Variants in DNAJC10 observed in about 807,000 individuals in gnomAD.
DNAJC10 encodes endoplasmic reticulum disulfide reductase DNAJC10.
A neutral mutation model predicts 115.0 loss-of-function variants in DNAJC10; 101 were observed. The ratio of observed to expected loss-of-function variants is 0.88; its 90% CI spans 0.75 to 1.04. The LOEUF (loss-of-function observed/expected upper bound fraction) is 1.04, where lower values mean the gene tolerates loss of function less well. Among genes scored for constraint, DNAJC10 ranks in the 50% least tolerant of loss-of-function variants. The pLI, the probability that DNAJC10 is intolerant of heterozygous loss-of-function variation, is 0.00. For synonymous variants in DNAJC10, 307 were observed against 301.5 expected (o/e 1.02, Z -0.19); for missense variants, 981 against 928.8 (o/e 1.06, Z -0.73).
intron 13 of DNAJC10, 140 bp from the exon 14 acceptor site, chr2:182,743,458 G>C (rs1380443521): frequency 4.9e-6 from 3 of 606,730 alleles, no homozygotes; most frequent in South Asian, 4.1e-5. Flanking sequence ...AATTATTTCT[G>C]TCTCTTATTT....
At chr2:182,751,590 CTT>C in intron 14 of DNAJC10, 66 bp from the exon 15 acceptor site, 2 of 1,533,992 alleles carry the variant, frequency 1.3e-6, no homozygotes, top group South Asian at 1.2e-5. Flanking sequence ...AGTATTAAAA[CTT>C]TGAAATGTCT....
Position 182,777,976 on chromosome 2 carries a change from A to G in DNAJC10, c.*844A>G, listed in dbSNP as rs1201976136. ...CATTGTAGAGTATCCTAAATATGTT[A>G]TCAAGTATTTAGAGTTCTATATTTT... On this transcript the variant is annotated 3_prime_UTR_variant, in exon 24 of 24. Transcript: ENST00000264065. 1 of 152,206 alleles carries G rather than the reference A, an allele frequency of 6.6e-6. No homozygotes were observed. The highest frequency in any genetic ancestry group is 2.4e-5 in the African/African-American group (1 of 41,460). 9.4% of individuals were successfully genotyped at this position (152,206 alleles called of 1,614,324 possible).
At position 182,785,063 on chromosome 2, in the gene DNAJC10, C is replaced by T. The variant is rs1306255945; in HGVS notation, c.*7931C>T. On this transcript the variant is annotated 3_prime_UTR_variant, in exon 24 of 24. Coordinates refer to ENST00000264065, the MANE Select transcript of DNAJC10 (RefSeq NM_018981.4). The stretch of plus-strand genomic sequence containing the variant: ...TTGCAGAAAAGTTAAAAGTATTTCG[C>T]ATCCAAAAGTTTGTAATCTAGTGTA... The T allele has an allele frequency of 6.6e-6, 1 of 152,134 alleles. No homozygotes were observed. Among genetic ancestry groups the T allele is most frequent in the Non-Finnish European group, 1.5e-5 (1 of 68,028 alleles). The allele number at this position is 152,134 out of a possible 1,614,324, so 9.4% of individuals were successfully genotyped here. A position where few individuals can be genotyped will look rare whatever the true frequency, so the allele number is the denominator to read the frequency against.
chr2:182,729,920 A>G lies in DNAJC10; in HGVS notation c.706A>G (p.Thr236Ala), dbSNP rs141906022. ...TTTTGCAATGCAGCATGTTAGAAGT[A>G]CAGTGACAGAACTTTGGACAGGTAA... is the stretch of plus-strand genomic sequence containing the variant. ...VSFAMQHVRS[T>A]VTELWTGNFV... The change falls in exon 8 of 24, where the codon ACA becomes GCA. Residue 236 changes from threonine (T) to alanine (A), a missense_variant. By Grantham distance (58) the Thr-to-Ala change is moderately conservative (BLOSUM62 0). Transcript: ENST00000264065. 4.6e-5 allele frequency: 74 copies of G among 1,606,784 alleles called. 1 individual carries two copies. The highest frequency in any genetic ancestry group is 6.8e-5 in the Admixed American group (4 of 59,062).
intron 21 of DNAJC10, among the ~76,000 whole-genome samples, chr2:182,762,295 G>T (rs1187971002): frequency 6.6e-6 from 1 of 152,084 alleles, no homozygotes; most frequent in African/African-American, 2.4e-5. Flanking sequence ...GAATACAGGT[G>T]GAGTAAGTCA....
Position 182,788,924 on chromosome 2 carries a change from C to T in DNAJC10, c.*11792C>T. 2 of 413,742 alleles carry T rather than the reference C, an allele frequency of 4.8e-6. No individual in the cohort carries two copies. Among genetic ancestry groups the T allele is most frequent in the South Asian group, 3.6e-5 (2 of 55,440 alleles). The allele number at this position is 413,742 out of a possible 1,614,324, so 25.6% of individuals were successfully genotyped here. On this transcript the variant is annotated 3_prime_UTR_variant, in exon 24 of 24. Coordinates refer to ENST00000264065, the MANE Select transcript of DNAJC10 (RefSeq NM_018981.4). ...GAGTTTTTTAAATTGTGATAAAGTA[C>T]ATGTAACAAAATTTATTAATCATTT...
chr2:182,740,206 T>TA (rs1212952685), intron 11 of DNAJC10, 93 bp from the exon 12 acceptor site: 13 of 1,185,516 alleles, frequency 1.1e-5, no homozygotes, highest in African/African-American at 3.2e-5. Flanking sequence ...ATCATTTTCC[T>TA]AAAAATACTA....
At chr2:182,777,093 C>T in intron 23 of DNAJC10, 28 bp from the exon 24 acceptor site, 1 of 1,359,706 alleles carries the variant, frequency 7.4e-7, no homozygotes, top group Non-Finnish European at 9.8e-7. Context: ...TTTCTCCTTT[C>T]TCTATCGCCT....
chr2:182,770,291 A>G (rs1015247012), intron 22 of DNAJC10, among the ~76,000 whole-genome samples: 6 of 152,110 alleles, frequency 3.9e-5, no homozygotes, highest in Non-Finnish European at 7.4e-5. Flanking sequence ...TTGTCTTGGC[A>G]ATACGGGCTC....
chr2:182,786,372 T>G lies in DNAJC10; in HGVS notation c.*9240T>G, dbSNP rs535757309. On this transcript the variant is annotated 3_prime_UTR_variant, in exon 24 of 24. Coordinates refer to ENST00000264065, the MANE Select transcript of DNAJC10 (RefSeq NM_018981.4). ...GAGCCTGAGCATCATTTCACCATTT[T>G]GAGCCTCAAGCTCTCAATATACTGG... 1.6e-4 allele frequency: 25 copies of G among 152,338 alleles called. No homozygotes were observed. Among genetic ancestry groups the G allele is most frequent in the Admixed American group, 1.4e-3 (22 of 15,310 alleles). The allele number at this position is 152,338 out of a possible 1,614,324, so 9.4% of individuals were successfully genotyped here. A position where few individuals can be genotyped will look rare whatever the true frequency, so the allele number is the denominator to read the frequency against.
intron 22 of DNAJC10, among the ~76,000 whole-genome samples, chr2:182,773,990 G>A (rs1486962409): frequency 6.6e-6 from 1 of 152,018 alleles, no homozygotes; most frequent in Non-Finnish European, 1.5e-5. Flanking sequence ...GGTCTTTGAT[G>A]TTGGTGACCT....
chr2:182,757,878 C>A, intron 19 of DNAJC10, 53 bp downstream of exon 19: 2 of 1,060,484 alleles, frequency 1.9e-6, no homozygotes, highest in Non-Finnish European at 1.3e-6. Flanking sequence ...TAATTATACA[C>A]TTAACAGTTA....
rs1255916843 is a variant in DNAJC10, at chr2:182,779,502, G to C, written c.*2370G>C. 1 of 152,146 alleles carries C rather than the reference G, an allele frequency of 6.6e-6. No homozygotes were observed. Among genetic ancestry groups the C allele is most frequent in the Non-Finnish European group, 1.5e-5 (1 of 68,050 alleles). The allele number at this position is 152,146 out of a possible 1,614,324, so 9.4% of individuals were successfully genotyped here. Reference sequence around the variant, plus strand: ...TGTGCGCCTATTGTCCCATCTACTTGAGAGGCTGAGGCAGGAGGGATTGCT... The same window carrying C: ...TGTGCGCCTATTGTCCCATCTACTTCAGAGGCTGAGGCAGGAGGGATTGCT... On this transcript the variant is annotated 3_prime_UTR_variant, in exon 24 of 24. Transcript: ENST00000264065.
intron 22 of DNAJC10, among the ~76,000 whole-genome samples, chr2:182,773,970 A>T (rs1348276511): frequency 1.4e-5 from 2 of 141,130 alleles, no homozygotes; most frequent in Admixed American, 1.3e-4. Flanking sequence ...TTGTGGTTTT[A>T]TCTATCTTTG....
Position 182,736,365 on chromosome 2 carries a change from C to T in DNAJC10, c.966C>T (p.Asn322=). 1 of 1,577,198 alleles carries T rather than the reference C, an allele frequency of 6.3e-7. No individual in the cohort carries two copies. Among genetic ancestry groups the T allele is most frequent in the Admixed American group, 1.9e-5 (1 of 52,454 alleles). ...TTCCTCCTGGAGCCACTTTAAATAA[C>T]AAAGAGAAAAACAGTATTTTGGTAT... ...AYFPPGATLN[N]KEKNSILFLN... Residue 322 remains asparagine (N), a synonymous_variant, in exon 11 of 24, where the codon AAC becomes AAT. Transcript: ENST00000264065.
chr2:182,750,232 G>A (rs942364369), intron 14 of DNAJC10, among the ~76,000 whole-genome samples: 1 of 152,140 alleles, frequency 6.6e-6, no homozygotes, highest in Admixed American at 6.6e-5. Context: ...CAATGTAAGT[G>A]GACTGTGGTA....
At chr2:182,730,967 CTG>C (rs1693428820) in intron 8 of DNAJC10, 61 bp from the exon 9 acceptor site, 1 of 1,096,858 alleles carries the variant, frequency 9.1e-7, no homozygotes, top group Non-Finnish European at 1.4e-6. Context: ...ACTTAGAAGA[CTG>C]TTTCCATTAG....
intron 12 of DNAJC10, 150 bp from the exon 13 acceptor site, chr2:182,741,093 C>T (rs1574933201): frequency 3.5e-6 from 2 of 574,784 alleles, no homozygotes; most frequent in Non-Finnish European, 3.0e-6. Flanking sequence ...AAGTAAACTA[C>T]AAAATAAGAG....
In DNAJC10 at chr2:182,786,297, G is replaced by A. The variant is rs1406304223; in HGVS notation, c.*9165G>A. The A allele has an allele frequency of 5.3e-5, 8 of 152,120 alleles. No homozygotes were observed. Among genetic ancestry groups the A allele is most frequent in the Admixed American group, 3.9e-4 (6 of 15,266 alleles). 9.4% of individuals were successfully genotyped at this position (152,120 alleles called of 1,614,324 possible). A position where few individuals can be genotyped will look rare whatever the true frequency, so the allele number is the denominator to read the frequency against. On this transcript the variant is annotated 3_prime_UTR_variant, in exon 24 of 24. Coordinates refer to ENST00000264065, the MANE Select transcript of DNAJC10 (RefSeq NM_018981.4). ...GTTGGCACTAAGTAGGACCACTTTC[G>A]AAGAGAATGGGTAGAATTCATTTTC...
Sources: gnomAD v4.1 joint callset for allele counts (sites outside exome capture counted in the v4.1 genomes callset) on GRCh38, gnomAD v4.1.1 for gene constraint, MANE v1.5 for transcripts, NCBI Gene and HGNC (gene_info 2026-07-23, HGNC 2026-07-21) for gene names.